DST: variants seen among roughly 807,000 people sequenced by gnomAD.
The protein encoded by DST is dystonin.
DST carries 253 observed loss-of-function variants against 875.2 expected under a neutral mutation model. The ratio of observed to expected loss-of-function variants is 0.29; its 90% CI spans 0.26 to 0.32. The LOEUF (loss-of-function observed/expected upper bound fraction) is 0.32. Ranked by LOEUF, DST falls within the 10% of genes least tolerant of loss-of-function variation. The probability of loss-of-function intolerance (pLI) is 1.00; values close to 1 mark genes in which losing one functional copy is unlikely to be tolerated. For missense variants in DST, 8,287 were observed against 9,111.6 expected, an observed-to-expected ratio of 0.91 and a Z score of 3.68; for synonymous variants, 3,124 against 3,197.1, an observed-to-expected ratio of 0.98 and a Z score of 0.77.
intron 4 of DST, chr6:56,843,353 G>A (rs1268177353): frequency 1.7e-6 from 2 of 1,193,914 alleles, no homozygotes; most frequent in Non-Finnish European, 2.1e-6. Context: ...CCAGGCCTCC[G>A]GGCAGGCCGA....
chr6:56,589,234 G>A (rs1054546045), intron 49 of DST, among the ~76,000 whole-genome samples: 7 of 152,128 alleles, frequency 4.6e-5, no homozygotes, highest in Non-Finnish European at 2.9e-5. Context: ...AAACTTAGAA[G>A]TGCATTATAA....
intron 88 of DST, chr6:56,484,995 T>C: frequency 4.1e-6 from 1 of 242,916 alleles, no homozygotes; most frequent in South Asian, 7.1e-5. Context: ...TTTAAGTGCA[T>C]AACTAAAGAT....
At chr6:56,493,129 C>T (rs1213248731) in intron 83 of DST, 40 bp from the exon 84 acceptor site, 3 of 1,562,120 alleles carry the variant, frequency 1.9e-6, no homozygotes, top group Non-Finnish European at 2.6e-6. Context: ...GTTTAAGGGC[C>T]TTGGTTATTT....
rs2095252252 is a variant in DST, at chr6:56,477,605, TCA to T, written c.21532-119_21532-118del. 12 of 1,336,308 alleles carry T rather than the reference TCA, an allele frequency of 9.0e-6. No individual in the cohort carries two copies. In the South Asian group the frequency reaches 1.5e-4, roughly 17 times the overall value. 82.8% of individuals were successfully genotyped at this position (1,336,308 alleles called of 1,614,324 possible). A position where few individuals can be genotyped will look rare whatever the true frequency, so the allele number is the denominator to read the frequency against. On this transcript the variant is annotated intron_variant, in intron 90 of 103. Transcript: ENST00000680361. Reference sequence around the variant, plus strand: ...TAAACAAAAACTTCAATTGGTTTATTCACAGTGAAAATCATCTACTAATTGGG... The same window carrying T: ...TAAACAAAAACTTCAATTGGTTTATTCAGTGAAAATCATCTACTAATTGGG...
chr6:56,851,406 G>A lies in DST; in HGVS notation c.616C>T (p.Arg206Trp), dbSNP rs374616412. Residue 206 changes from arginine (R) to tryptophan (W), a missense_variant, in exon 4 of 104, where the codon CGG (arginine) becomes TGG (tryptophan). Coordinates refer to ENST00000680361, the MANE Select transcript of DST (RefSeq NM_001374736.1). ...VLDPAERAVL[R>W]IADERDKVQK... is the part of the protein sequence containing the mutation. ...CCCCAGATGCTCTTACCTGCTATCC[G>A]AAGCACTGCCCTCTCGGCAGGGTCC... is the stretch of plus-strand genomic sequence containing the variant. 2.5e-6 allele frequency: 4 copies of A among 1,612,786 alleles called. No individual in the cohort carries two copies. The highest frequency in any genetic ancestry group is 2.5e-6 in the Non-Finnish European group (3 of 1,179,814).
chr6:56,472,530 C>T (rs78694052), intron 93 of DST, among the ~76,000 whole-genome samples: 5 of 152,100 alleles, frequency 3.3e-5, no homozygotes, highest in African/African-American at 4.8e-5. Flanking sequence ...TCAATGACAA[C>T]GAAGCATGCT....
intron 3 of DST, among the ~76,000 whole-genome samples, chr6:56,854,988 T>C (rs534225352): frequency 2.6e-5 from 4 of 152,326 alleles, no homozygotes; most frequent in African/African-American, 9.6e-5. Flanking sequence ...GAAAGAGCTG[T>C]GGAGTAACCA....
At chr6:56,785,442 C>T (rs915218873) in intron 4 of DST, among the ~76,000 whole-genome samples, 2 of 152,186 alleles carry the variant, frequency 1.3e-5, no homozygotes, top group African/African-American at 2.4e-5. Flanking sequence ...AGCCTCGCTG[C>T]CGCCTTGCAG....
chr6:56,716,066 A>T (rs965460333), intron 5 of DST, among the ~76,000 whole-genome samples: 2 of 152,234 alleles, frequency 1.3e-5, no homozygotes, highest in African/African-American at 4.8e-5. Flanking sequence ...AAAGAGGGCA[A>T]AAAGGAAGCT....
chr6:56,566,425 C>A (rs2097679302), intron 55 of DST, among the ~76,000 whole-genome samples: 1 of 152,188 alleles, frequency 6.6e-6, no homozygotes, highest in African/African-American at 2.4e-5. Context: ...GGCACAGTCC[C>A]TCACAGCTTC....
At chr6:56,667,846 T>C (rs981476449) in intron 10 of DST, among the ~76,000 whole-genome samples, 8 of 145,524 alleles carry the variant, frequency 5.5e-5, no homozygotes, top group African/African-American at 8.3e-5. Context: ...CACACACACA[T>C]ACACCAATTT....
In DST at chr6:56,494,174, A is replaced by G; in HGVS notation, c.20230T>C (p.Cys6744Arg). 1 of 1,598,762 alleles carries G rather than the reference A, an allele frequency of 6.3e-7. No homozygotes were observed. The highest frequency in any genetic ancestry group is 8.5e-7 in the Non-Finnish European group (1 of 1,171,452). Residue 6744 changes from cysteine to arginine, a missense_variant, in exon 83 of 104, where the codon TGT becomes CGT. This residue lies in a region of DST where 1,292 missense variants were observed against 1,552.7 expected (regional missense o/e 0.83). Coordinates refer to ENST00000680361, the MANE Select transcript of DST (RefSeq NM_001374736.1). ...KEQLNVHMEVCAAFEAKEETY... is the reference protein window; with the variant it reads ...KEQLNVHMEVRAAFEAKEETY... Reference sequence around the variant, plus strand: ...TCTTCTTTAGCTTCAAAGGCAGCACAGACTTCCTAAATTGAGATACCCTCA... The same window carrying G: ...TCTTCTTTAGCTTCAAAGGCAGCACGGACTTCCTAAATTGAGATACCCTCA...
chr6:56,778,358 T>C (rs1265280667), intron 4 of DST, among the ~76,000 whole-genome samples: 5 of 151,686 alleles, frequency 3.3e-5, no homozygotes, highest in East Asian at 3.9e-4. Context: ...TTTCTCTTTT[T>C]TTTTTTTTTT....
chr6:56,882,562 A>G (rs987883951), intron 3 of DST, among the ~76,000 whole-genome samples: 4 of 152,274 alleles, frequency 2.6e-5, no homozygotes, highest in Non-Finnish European at 4.4e-5. Flanking sequence ...ACAGAAAATT[A>G]AAAGTATAAG....
At chr6:56,767,614 CAAATAAATAAATAAATAAAT>C (rs148013834) in intron 4 of DST, among the ~76,000 whole-genome samples, 51 of 142,454 alleles carry the variant, frequency 3.6e-4, no homozygotes, top group Non-Finnish European at 5.3e-4. Context: ...GACCCTGTCT[CAAATAAATAAATAAATAAAT>C]AAATAAATAA....
rs1563327613 is a variant in DST, at chr6:56,632,883, T to C, written c.3776A>G (p.Tyr1259Cys). 6.2e-7 allele frequency: 1 copy of C among 1,613,970 alleles called. No individual in the cohort carries two copies. Among genetic ancestry groups the C allele is most frequent in the Admixed American group, 1.7e-5 (1 of 60,030 alleles). Residue 1259 changes from tyrosine (Y) to cysteine (C), a missense_variant, in exon 28 of 104, where the codon TAT (tyrosine) becomes TGT (cysteine). By Grantham distance (194) the Tyr-to-Cys change is radical. Transcript: ENST00000680361. ...TTCTGCAGATTTAAGAAGTTCTTGA[T>C]AATACTGCTTACATACATTAACCTC... ...EKEVNVCKQY[Y>C]QELLKSAERE...
rs142898423 is a variant in DST at position 56,864,899 on chromosome 6, A to G, written c.418-13295T>C. 5.3e-5 allele frequency among the ~76,000 whole-genome samples: 8 copies of G among 152,334 alleles called. No homozygotes were observed. In the East Asian group the frequency reaches 1.2e-3, roughly 22 times the overall value. On this transcript the variant is annotated intron_variant, in intron 3 of 103. Transcript: ENST00000680361. ...CATGCTGTTGCCTAAATTTCCAGTA[A>G]CAGATACATTCTTTTGGTTTAAAGC...
At chr6:56,503,629 C>A (rs895124135) in intron 78 of DST, among the ~76,000 whole-genome samples, 2 of 64,164 alleles carry the variant, frequency 3.1e-5, no homozygotes, top group Non-Finnish European at 7.0e-5. Context: ...ACACACACAC[C>A]CCATGTCCCT....
At chr6:56,801,471 T>C (rs2099746759) in intron 4 of DST, among the ~76,000 whole-genome samples, 1 of 152,212 alleles carries the variant, frequency 6.6e-6, no homozygotes, top group South Asian at 2.1e-4. Flanking sequence ...TATATTTGCT[T>C]AATACATATT....
Sources: gnomAD v4.1 joint callset for allele counts (sites outside exome capture counted in the v4.1 genomes callset) on GRCh38, gnomAD v4.1.1 for gene constraint, gnomAD v4.1.1 regional missense constraint, MANE v1.5 for transcripts, NCBI Gene and HGNC (gene_info 2026-07-23, HGNC 2026-07-21) for gene names.